CPNE5: variants seen among roughly 807,000 people sequenced by gnomAD.
The protein encoded by CPNE5 is copine 5, also known as copine-5.
CPNE5 carries 42 observed loss-of-function variants against 81.1 expected under a neutral mutation model. The ratio of observed to expected loss-of-function variants is 0.52; its 90% confidence interval spans 0.40 to 0.67. The LOEUF is 0.67. Among genes scored for constraint, CPNE5 ranks in the 30% least tolerant of loss-of-function variants. The pLI, the probability that CPNE5 is intolerant of heterozygous loss-of-function variation, is 0.00. For missense variants in CPNE5, 612 were observed against 815.5 expected (o/e 0.75, Z 3.04); for synonymous variants, 313 against 321.5 (o/e 0.97, Z 0.28).
chr6:36,802,036 T>A (rs979606852), intron 3 of CPNE5, among the ~76,000 whole-genome samples: 11 of 152,066 alleles, frequency 7.2e-5, no homozygotes, highest in African/African-American at 2.4e-4. Context: ...CTGGCCAACA[T>A]GGTGAAACCC....
intron 14 of CPNE5, among the ~76,000 whole-genome samples, chr6:36,750,314 A>G (rs1232226200): frequency 1.3e-5 from 2 of 152,048 alleles, no homozygotes; most frequent in African/African-American, 4.8e-5. Context: ...CCACCTGATC[A>G]CAGCTGAGCT....
At chr6:36,813,020 A>G (rs1771235746) in intron 3 of CPNE5, among the ~76,000 whole-genome samples, 2 of 152,260 alleles carry the variant, frequency 1.3e-5, no homozygotes, top group Admixed American at 1.3e-4. Flanking sequence ...GCTCAAGGCC[A>G]GGCAGGCAGA....
At chr6:36,764,743 C>T (rs1013259522) in intron 11 of CPNE5, among the ~76,000 whole-genome samples, 1 of 152,124 alleles carries the variant, frequency 6.6e-6, no homozygotes, top group African/African-American at 2.4e-5. Flanking sequence ...TGTCTCACGG[C>T]CCATGAGTCC....
At position 36,744,290 on chromosome 6, in the gene CPNE5, G is replaced by A. The variant is rs549430694; in HGVS notation, c.1467C>T (p.Gly489=). The stretch of plus-strand genomic sequence containing the variant: ...CACCGTCGAACTCTGCCTGGCCCAC[G>A]CCGACGATAATGATGGACATGGGGA... ...AKLPMSIIIV[G]VGQAEFDAMV... Residue 489 remains glycine, a synonymous_variant, in exon 19 of 21, where the codon GGC becomes GGT. Coordinates refer to ENST00000244751, the MANE Select transcript of CPNE5 (RefSeq NM_020939.2). 68 of 1,583,320 alleles carry A rather than the reference G, an allele frequency of 4.3e-5. 1 individual carries two copies. In the South Asian group the frequency reaches 6.9e-4, roughly 16 times the overall value.
Position 36,743,676 on chromosome 6 carries a change from G to T in CPNE5, c.1563+13C>A, listed in dbSNP as rs756154097. 7 of 1,612,558 alleles carry T rather than the reference G, an allele frequency of 4.3e-6. No homozygotes were observed. Among genetic ancestry groups the T allele is most frequent in the African/African-American group, 1.3e-5 (1 of 75,068 alleles). On this transcript the variant is annotated intron_variant, in intron 20 of 20. Coordinates refer to ENST00000244751, the MANE Select transcript of CPNE5 (RefSeq NM_020939.2). ...TTGAATTTCCCATGGGGCAGGCAAG[G>T]CCTGGGCTTCACCTGGACGATGTCG...
intron 3 of CPNE5, among the ~76,000 whole-genome samples, chr6:36,802,238 A>T (rs1205213500): frequency 6.7e-6 from 1 of 150,370 alleles, no homozygotes; most frequent in Non-Finnish European, 1.5e-5. Context: ...AAAAAAAAAA[A>T]AAAAAAAGGT....
chr6:36,818,491 T>G (rs556948256), intron 3 of CPNE5, among the ~76,000 whole-genome samples: 1 of 152,198 alleles, frequency 6.6e-6, no homozygotes, highest in African/African-American at 2.4e-5. Flanking sequence ...ATGGGAAGAG[T>G]GACCAGGAAG....
At chr6:36,784,054 G>C (rs982187105) in intron 8 of CPNE5, among the ~76,000 whole-genome samples, 4 of 152,154 alleles carry the variant, frequency 2.6e-5, no homozygotes, top group Non-Finnish European at 4.4e-5. Flanking sequence ...GTGCAAACCA[G>C]TTAAAATTAA....
chr6:36,774,946 AT>A lies in CPNE5; in HGVS notation c.737+14del. On this transcript the variant is annotated intron_variant, in intron 10 of 20. Coordinates refer to ENST00000244751, the MANE Select transcript of CPNE5 (RefSeq NM_020939.2). Reference sequence around the variant, plus strand: ...GAAGCAGAAGGAAAAAAGAAGGGACATTTTCTCATCTCACCGATCGTAGTCG... The same window carrying A: ...GAAGCAGAAGGAAAAAAGAAGGGACATTTCTCATCTCACCGATCGTAGTCG... 6.2e-7 allele frequency: 1 copy of A among 1,602,076 alleles called. No individual in the cohort carries two copies. The highest frequency in any genetic ancestry group is 8.6e-7 in the Non-Finnish European group (1 of 1,169,372).
intron 15 of CPNE5, among the ~76,000 whole-genome samples, chr6:36,747,483 C>A (rs997820778): frequency 6.6e-6 from 1 of 152,256 alleles, no homozygotes; most frequent in East Asian, 1.9e-4. Context: ...CAGATGCTAT[C>A]GATATTATGA....
Position 36,839,236 on chromosome 6 carries a change from C to G in CPNE5, c.95+47G>C. On this transcript the variant is annotated intron_variant, in intron 1 of 20. Coordinates refer to ENST00000244751, the MANE Select transcript of CPNE5 (RefSeq NM_020939.2). This position sits in a 1 kb window ranked among gnomAD's most constrained non-coding sequence, Gnocchi z 7.3. ...TCGAAGCGGCAGGGGCCGCGGGGCTCTGCGTCCAGGGCCGGGGCAAGGGGA... is the reference window on the plus strand; with the variant it reads ...TCGAAGCGGCAGGGGCCGCGGGGCTGTGCGTCCAGGGCCGGGGCAAGGGGA... 7.2e-7 allele frequency: 1 copy of G among 1,390,092 alleles called. No homozygotes were observed. Among genetic ancestry groups the G allele is most frequent in the Non-Finnish European group, 9.7e-7 (1 of 1,026,518 alleles). 86.1% of individuals were successfully genotyped at this position (1,390,092 alleles called of 1,614,324 possible).
chr6:36,827,305 T>G, intron 1 of CPNE5: 1 of 985,084 alleles, frequency 1.0e-6, no homozygotes, highest in Non-Finnish European at 1.2e-6. Flanking sequence ...GACAGAACCC[T>G]CAGAGCCTGC....
chr6:36,820,967 C>T (rs1011322058), intron 3 of CPNE5, among the ~76,000 whole-genome samples: 7 of 151,232 alleles, frequency 4.6e-5, no homozygotes, highest in African/African-American at 1.7e-4. Context: ...AAAAAGTAAA[C>T]CAGGGTATGG....
At chr6:36,747,257 C>G (rs1236983500) in intron 15 of CPNE5, among the ~76,000 whole-genome samples, 2 of 152,010 alleles carry the variant, frequency 1.3e-5, no homozygotes, top group Admixed American at 1.3e-4. Flanking sequence ...TGATTTCCCC[C>G]CCCAGAGCCC....
At chr6:36,825,123 G>A (rs895409789) in intron 1 of CPNE5, among the ~76,000 whole-genome samples, 2 of 152,132 alleles carry the variant, frequency 1.3e-5, no homozygotes, top group Non-Finnish European at 2.9e-5. Flanking sequence ...CCCTGAGTCA[G>A]TGTCACCAAA....
intron 20 of CPNE5, chr6:36,743,138 T>C: frequency 1.0e-6 from 1 of 985,446 alleles, no homozygotes; most frequent in Non-Finnish European, 1.2e-6. Context: ...CAGCTTTGTC[T>C]TCTGCATCTC....
At position 36,742,390 on chromosome 6, in the gene CPNE5, G is replaced by A. The variant is rs146576641; in HGVS notation, c.1660C>T (p.Leu554=). The A allele has an allele frequency of 1.5e-4, 242 of 1,613,668 alleles. No homozygotes were observed. The highest frequency in any genetic ancestry group is 2.8e-4 in the Admixed American group (17 of 60,004). The change falls in exon 21 of 21, where the codon CTG becomes TTG. Residue 554 remains leucine, a synonymous_variant. Transcript: ENST00000244751. ...RDVLAEIPDQ[L]VSYMKAQGIR... is the part of the protein sequence containing the mutation. The stretch of plus-strand genomic sequence containing the variant: ...CCCTGTGCCTTCATGTAGGACACCA[G>A]TTGGTCAGGGATCTCTGCCAGCACG...
At chr6:36,756,025 G>C (rs1765415856) in intron 13 of CPNE5, 3 of 561,342 alleles carry the variant, frequency 5.3e-6, no homozygotes, top group Non-Finnish European at 9.4e-6. Flanking sequence ...GATTCCTCAT[G>C]CTAGATACAG....
intron 1 of CPNE5, among the ~76,000 whole-genome samples, chr6:36,824,098 G>C (rs937741556): frequency 6.6e-6 from 1 of 152,194 alleles, no homozygotes; most frequent in African/African-American, 2.4e-5. Flanking sequence ...TTGATGCCCT[G>C]CATGGATCCC....
Sources: allele counts gnomAD v4.1 joint callset (sites outside exome capture counted in the v4.1 genomes callset), GRCh38; gene constraint gnomAD v4.1.1; non-coding constraint Gnocchi (gnomAD v3.1); transcripts MANE v1.5; gene names NCBI Gene and HGNC (gene_info 2026-07-23, HGNC 2026-07-21).